The following ALDH1A3 variants were observed in gnomAD, a reference collection of about 807,000 sequenced individuals.
ALDH1A3 encodes the protein retinaldehyde dehydrogenase 3.
ALDH1A3 carries 28 observed loss-of-function variants against 57.5 expected under a neutral mutation model. That is an observed-to-expected ratio of 0.49 (90% confidence interval 0.36 to 0.67). ALDH1A3 has a LOEUF of 0.67. Ranked by LOEUF, ALDH1A3 falls within the 30% of genes least tolerant of loss-of-function variation. The pLI is 0.00. For synonymous variants in ALDH1A3, 281 were observed against 264.8 expected, an observed-to-expected ratio of 1.06 and a Z score of -0.59; for missense variants, 507 against 669.4, an observed-to-expected ratio of 0.76 and a Z score of 2.68.
chr15:100,888,547 A>G (rs1455570750), intron 3 of ALDH1A3: 2 of 152,230 alleles, frequency 1.3e-5, no homozygotes, highest in African/African-American at 4.8e-5. Context: ...AATTGTTCCC[A>G]TGTGACCTAA....
chr15:100,882,088 G>C (rs955074607), intron 1 of ALDH1A3, among the ~76,000 whole-genome samples: 1 of 152,220 alleles, frequency 6.6e-6, no homozygotes, highest in South Asian at 2.1e-4. Context: ...GAGAGCAGAC[G>C]GTGGAGCATG....
intron 9 of ALDH1A3, among the ~76,000 whole-genome samples, chr15:100,901,904 C>T (rs75154351): frequency 0.021 from 3,167 of 152,266 alleles, 93 homozygotes; most frequent in African/African-American, 0.07. Context: ...TCCGACGCCA[C>T]GTGACCCTGG....
At position 100,906,461 on chromosome 15, in the gene ALDH1A3, A is replaced by G. The variant is rs1421493699; in HGVS notation, c.1234-660A>G. ...TGGCATGAAGCTCAGCTCCTTAAACATCCCTGTGACGAGAGGTCCTGGGGA... is the reference window on the plus strand; with the variant it reads ...TGGCATGAAGCTCAGCTCCTTAAACGTCCCTGTGACGAGAGGTCCTGGGGA... On this transcript the variant is annotated intron_variant, in intron 10 of 12. Transcript: ENST00000329841. This position sits in a 1 kb window ranked among gnomAD's most constrained non-coding sequence, Gnocchi z 4.8. Among the ~76,000 whole-genome samples, 4 of 152,312 alleles carry G rather than the reference A, an allele frequency of 2.6e-5. No homozygotes were observed. Among genetic ancestry groups the G allele is most frequent in the East Asian group, 3.9e-4 (2 of 5,186 alleles).
rs374423113 is a variant in ALDH1A3 at position 100,894,008 on chromosome 15, G to A, written c.592G>A (p.Gly198Arg). 6.2e-7 allele frequency: 1 copy of A among 1,614,048 alleles called. No individual in the cohort carries two copies. The highest frequency in any genetic ancestry group is 1.3e-5 in the African/African-American group (1 of 74,904). ...VWKLAPALCCGNTMVLKPAEQ... is the reference protein window; with the variant it reads ...VWKLAPALCCRNTMVLKPAEQ... ...GAAGCTGGCACCCGCCCTCTGCTGT[G>A]GGAACACCATGGTCCTGAAGCCTGC... The change falls in exon 6 of 13, where the codon GGG (glycine) becomes AGG (arginine). Residue 198 changes from glycine (G) to arginine (R), a missense_variant. This residue lies in a region of ALDH1A3 where 432 missense variants were observed against 608.4 expected (regional missense o/e 0.71). Coordinates refer to ENST00000329841, the MANE Select transcript of ALDH1A3 (RefSeq NM_000693.4). The surrounding 1 kb of genome is among the most constrained non-coding windows in gnomAD (Gnocchi z 4.5).
At chr15:100,908,047 C>T (rs768528658) in intron 11 of ALDH1A3, among the ~76,000 whole-genome samples, 13 of 151,958 alleles carry the variant, frequency 8.6e-5, no homozygotes, top group Non-Finnish European at 1.5e-4. Flanking sequence ...TGGGGTTTCA[C>T]CATGTTGGTC....
In ALDH1A3 at chr15:100,914,783, G is replaced by A. The variant is rs201216253; in HGVS notation, c.*10G>A. ...CGACAAGAACCCCTGAAGGAAAGGC[G>A]GGGCTCCTTCCTCAAACATCGGACG... is the stretch of plus-strand genomic sequence containing the variant. On this transcript the variant is annotated 3_prime_UTR_variant, in exon 13 of 13. Transcript: ENST00000329841. 59 of 1,613,522 alleles carry A rather than the reference G, an allele frequency of 3.7e-5. No homozygotes were observed. In the African/African-American group the frequency reaches 4.4e-4, roughly 12 times the overall value.
chr15:100,881,564 C>G (rs571259568), intron 1 of ALDH1A3: 6 of 152,196 alleles, frequency 3.9e-5, no homozygotes, highest in African/African-American at 1.2e-4. Context: ...AAGTTTACCT[C>G]TTTCTCTATG....
chr15:100,911,313 C>T (rs2041881355), intron 12 of ALDH1A3, among the ~76,000 whole-genome samples: 4 of 152,244 alleles, frequency 2.6e-5, no homozygotes. Flanking sequence ...CCACGGGCCC[C>T]TCCGGGAGCT....
rs778344751 is a variant in ALDH1A3, at chr15:100,880,034, G to C, written c.99+28G>C. The stretch of plus-strand genomic sequence containing the variant: ...GAGGCGGGCGCCCCTCCCACCCGAC[G>C]GCCGCGGGCCCCTGCGCTGGGCAGC... On this transcript the variant is annotated intron_variant, in intron 1 of 12. Transcript: ENST00000329841. 2.8e-6 allele frequency: 4 copies of C among 1,426,162 alleles called. No individual in the cohort carries two copies. The South Asian group carries it at 4.2e-5, about 15-fold the overall frequency. The allele number at this position is 1,426,162 out of a possible 1,614,324, so 88.3% of individuals were successfully genotyped here.
chr15:100,887,847 G>A lies in ALDH1A3; in HGVS notation c.345+135G>A, dbSNP rs567253759. 146 of 1,101,334 alleles carry A rather than the reference G, an allele frequency of 1.3e-4. No homozygotes were observed. The Admixed American group carries it at 3.1e-3, about 24-fold the overall frequency. The allele number at this position is 1,101,334 out of a possible 1,614,324, so 68.2% of individuals were successfully genotyped here. On this transcript the variant is annotated intron_variant, in intron 3 of 12. Transcript: ENST00000329841. The surrounding 1 kb of genome is among the most constrained non-coding windows in gnomAD (Gnocchi z 4.6). ...GGGTCTGTTCCATCCTCTGAGACAC[G>A]GCTCTCTGGCAATACTTGCAGGTGT... is the stretch of plus-strand genomic sequence containing the variant.
chr15:100,907,332 CATT>C (rs1596133643), intron 11 of ALDH1A3, 54 bp downstream of exon 11: 18 of 1,557,010 alleles, frequency 1.2e-5, no homozygotes, highest in Non-Finnish European at 1.8e-6. Context: ...TTGCTAAGTT[CATT>C]ATTCTTCTAT....
chr15:100,909,274 C>T (rs2041858209), intron 12 of ALDH1A3, among the ~76,000 whole-genome samples: 1 of 121,700 alleles, frequency 8.2e-6, no homozygotes, highest in African/African-American at 3.2e-5. Context: ...CACTGCAAAC[C>T]CCTCCACATG....
chr15:100,904,216 G>A lies in ALDH1A3; in HGVS notation c.1069-1307G>A, dbSNP rs2041799291. The stretch of plus-strand genomic sequence containing the variant: ...TTTGGAGTTTGGCCTGGTATAAGGT[G>A]TGAGGTATGGATCTGAGTTAGTATT... On this transcript the variant is annotated intron_variant, in intron 9 of 12. Coordinates refer to ENST00000329841, the MANE Select transcript of ALDH1A3 (RefSeq NM_000693.4). Among the ~76,000 whole-genome samples the A allele has an allele frequency of 1.3e-5, 2 of 151,976 alleles. 1 individual carries two copies. Among genetic ancestry groups the A allele is most frequent in the South Asian group, 4.2e-4 (2 of 4,804 alleles).
Position 100,893,145 on chromosome 15 carries a change from C to T in ALDH1A3, c.537+139C>T. The T allele has an allele frequency of 1.4e-6, 1 of 720,958 alleles. No homozygotes were observed. Among genetic ancestry groups the T allele is most frequent in the Non-Finnish European group, 2.2e-6 (1 of 449,168 alleles). The allele number at this position is 720,958 out of a possible 1,614,324, so 44.7% of individuals were successfully genotyped here. ...GCATTTTCTTCGTGGCATGGAACTCCATGCTTGGGGGCTCTTGAGATGGAT... is the reference window on the plus strand; with the variant it reads ...GCATTTTCTTCGTGGCATGGAACTCTATGCTTGGGGGCTCTTGAGATGGAT... On this transcript the variant is annotated intron_variant, in intron 5 of 12. Coordinates refer to ENST00000329841, the MANE Select transcript of ALDH1A3 (RefSeq NM_000693.4). This position sits in a 1 kb window ranked among gnomAD's most constrained non-coding sequence, Gnocchi z 4.8.
intron 9 of ALDH1A3, among the ~76,000 whole-genome samples, chr15:100,901,274 C>T (rs933885204): frequency 7.2e-5 from 11 of 152,212 alleles, no homozygotes; most frequent in Non-Finnish European, 4.4e-5. Context: ...TGAAAATGAT[C>T]ATAACCACGA....
At chr15:100,892,890 T>A in intron 4 of ALDH1A3, 55 bp from the exon 5 acceptor site, 1 of 1,574,626 alleles carries the variant, frequency 6.4e-7, no homozygotes, top group Non-Finnish European at 8.7e-7. Flanking sequence ...CTACTTGAAG[T>A]TCCTAACCTG....
chr15:100,900,785 C>T (rs764156077), intron 9 of ALDH1A3, 26 bp downstream of exon 9: 1 of 1,607,496 alleles, frequency 6.2e-7, no homozygotes, highest in East Asian at 2.2e-5. Context: ...TGTGTGAAAC[C>T]ATGGTGCTTG....
intron 10 of ALDH1A3, 50 bp downstream of exon 10, chr15:100,905,737 G>T: frequency 6.7e-7 from 1 of 1,482,162 alleles, no homozygotes; most frequent in South Asian, 1.4e-5. Flanking sequence ...TTTCAAACAC[G>T]AGTCCTTCCC....
rs4646684 is a variant in ALDH1A3 at position 100,907,383 on chromosome 15, A to G, written c.1391+105A>G. 0.59 allele frequency: 779,616 copies of G among 1,328,128 alleles called. 231,977 individuals carry two copies. The highest frequency in any genetic ancestry group is 0.74 in the East Asian group (31,329 of 42,288). 82.3% of individuals were successfully genotyped at this position (1,328,128 alleles called of 1,614,324 possible). ...TCTCATTGTTTACATTGTATATTAT[A>G]TACCAAGCCCTGTCTCAGTGCTTCC... On this transcript the variant is annotated intron_variant, in intron 11 of 12. Transcript: ENST00000329841.
Sources: allele counts gnomAD v4.1 joint callset (sites outside exome capture counted in the v4.1 genomes callset), GRCh38; gene constraint gnomAD v4.1.1; regional missense constraint gnomAD v4.1.1; non-coding constraint Gnocchi (gnomAD v3.1); transcripts MANE v1.5; gene names NCBI Gene and HGNC (gene_info 2026-07-23, HGNC 2026-07-21).